Variants in ACER3 observed in about 807,000 individuals in gnomAD.
ACER3 encodes alkaline ceramidase 3.
Under a neutral mutation model 48.9 loss-of-function variants are expected in ACER3, and 16 were observed. The observed-to-expected ratio is 0.33, with a 90% CI of 0.22 to 0.50. The LOEUF is 0.50. Ranked by LOEUF, ACER3 falls within the 20% of genes least tolerant of loss-of-function variation. The pLI, the probability that ACER3 is intolerant of heterozygous loss-of-function variation, is 0.98. For synonymous variants in ACER3, 109 were observed against 107.8 expected (o/e 1.01, Z -0.07); for missense variants, 227 against 326.0 (o/e 0.70, Z 2.34).
rs60656670 is a variant in ACER3 at position 76,883,438 on chromosome 11, C to CTTTTTTTT, written c.103+22372_103+22379dup. Among the ~76,000 whole-genome samples, 54 of 98,956 alleles carry CTTTTTTTT rather than the reference C, an allele frequency of 5.5e-4. 1 individual carries two copies. Among genetic ancestry groups the CTTTTTTTT allele is most frequent in the Non-Finnish European group, 7.3e-4 (38 of 52,058 alleles). 64.9% of individuals were successfully genotyped at this position (98,956 alleles called of 152,430 possible). On this transcript the variant is annotated intron_variant, in intron 1 of 10. Coordinates refer to ENST00000532485, the MANE Select transcript of ACER3 (RefSeq NM_018367.7). Reference sequence around the variant, plus strand: ...TTGCTTCTTTTGAATGATTTTCTTGCTTTTTTTTTTTTTTTTTTTTGAGAC... The same window carrying CTTTTTTTT: ...TTGCTTCTTTTGAATGATTTTCTTGCTTTTTTTTTTTTTTTTTTTTTTTTTTTTGAGAC...
At chr11:76,928,362 C>T (rs1946894454) in intron 2 of ACER3, among the ~76,000 whole-genome samples, 1 of 152,094 alleles carries the variant, frequency 6.6e-6, no homozygotes, top group African/African-American at 2.4e-5. Context: ...TGGATACTAG[C>T]CCTTTGTCAG....
At chr11:76,874,417 A>T (rs1225118324) in intron 1 of ACER3, among the ~76,000 whole-genome samples, 2 of 150,528 alleles carry the variant, frequency 1.3e-5, no homozygotes, top group African/African-American at 4.9e-5. Flanking sequence ...AAAAAAAAAC[A>T]AAACTAACCC....
chr11:76,899,102 T>C (rs1276718264), intron 1 of ACER3, among the ~76,000 whole-genome samples: 1 of 152,080 alleles, frequency 6.6e-6, no homozygotes, highest in Non-Finnish European at 1.5e-5. Flanking sequence ...GCACTATTTG[T>C]TAATTAAAGA....
rs57231514 is a variant in ACER3, at chr11:76,864,744, C to T, written c.103+3665C>T. ...CCTCCCAAGTAGCTGGGATTACAGGCGCATGCCACCACGCCTGGCTAATTT... is the reference window on the plus strand; with the variant it reads ...CCTCCCAAGTAGCTGGGATTACAGGTGCATGCCACCACGCCTGGCTAATTT... On this transcript the variant is annotated intron_variant, in intron 1 of 10. Transcript: ENST00000532485. Among the ~76,000 whole-genome samples the T allele has an allele frequency of 5.2e-4, 78 of 151,334 alleles. No homozygotes were observed. The East Asian group carries it at 0.012, about 24-fold the overall frequency.
At chr11:77,020,220 T>C in intron 10 of ACER3, 54 bp from the exon 11 acceptor site, 1 of 1,573,554 alleles carries the variant, frequency 6.4e-7, no homozygotes, top group Non-Finnish European at 8.7e-7. Context: ...TTTTCAGGGA[T>C]AACATGGAAC....
chr11:76,966,721 G>C (rs1456950049), intron 3 of ACER3, among the ~76,000 whole-genome samples: 1 of 149,858 alleles, frequency 6.7e-6, no homozygotes, highest in Non-Finnish European at 1.5e-5. Context: ...GGTACATAAC[G>C]AAATGAAGGC....
chr11:76,867,505 A>AAGTAGCTG (rs1945126525), intron 1 of ACER3, among the ~76,000 whole-genome samples: 1 of 146,654 alleles, frequency 6.8e-6, no homozygotes, highest in African/African-American at 2.5e-5. Flanking sequence ...AAAGAAAGAA[A>AAGTAGCTG]AGTAGCTGAG....
At chr11:76,936,770 T>A (rs1020425060) in intron 2 of ACER3, among the ~76,000 whole-genome samples, 2 of 151,610 alleles carry the variant, frequency 1.3e-5, no homozygotes, top group Admixed American at 6.6e-5. Context: ...CAGGCTACAG[T>A]GCAGTGGTGC....
chr11:76,962,082 C>A (rs1229497387), intron 3 of ACER3, among the ~76,000 whole-genome samples: 1 of 150,032 alleles, frequency 6.7e-6, no homozygotes, highest in African/African-American at 2.5e-5. Context: ...GGAGTTTCAC[C>A]CTTGTCACTT....
At chr11:76,934,870 A>C (rs1947132837) in intron 2 of ACER3, among the ~76,000 whole-genome samples, 1 of 152,202 alleles carries the variant, frequency 6.6e-6, no homozygotes, top group South Asian at 2.1e-4. Flanking sequence ...ATGTAAAATT[A>C]GGGTAAAAAC....
In ACER3 at chr11:77,025,125, G is replaced by C. The variant is rs1949531250; in HGVS notation, c.*4798G>C. On this transcript the variant is annotated 3_prime_UTR_variant, in exon 11 of 11. Transcript: ENST00000532485. ...TGAAACATCTGGCAATGCCAGATCT[G>C]TAATCATCACTTTTAAATTGAATTT... is the stretch of plus-strand genomic sequence containing the variant. 6.6e-6 allele frequency: 1 copy of C among 152,150 alleles called. No individual in the cohort carries two copies. The highest frequency in any genetic ancestry group is 6.5e-5 in the Admixed American group (1 of 15,270). The allele number at this position is 152,150 out of a possible 1,614,324, so 9.4% of individuals were successfully genotyped here.
intron 3 of ACER3, among the ~76,000 whole-genome samples, chr11:76,969,471 T>C (rs1224506884): frequency 2.6e-5 from 4 of 152,278 alleles, no homozygotes; most frequent in East Asian, 1.9e-4. Flanking sequence ...TTATAAATCA[T>C]GCTGCTATAA....
At chr11:77,002,702 C>G (rs1949057927) in intron 7 of ACER3, among the ~76,000 whole-genome samples, 1 of 152,080 alleles carries the variant, frequency 6.6e-6, no homozygotes, top group Admixed American at 6.6e-5. Context: ...TGGTAGAATT[C>G]TCTAGTGAAA....
intron 2 of ACER3, among the ~76,000 whole-genome samples, chr11:76,947,017 AG>A (rs1370684750): frequency 1.3e-4 from 20 of 152,274 alleles, no homozygotes; most frequent in African/African-American, 4.6e-4. Context: ...TGGCTAGGCA[AG>A]TTGCCTTGAA....
At chr11:76,973,768 G>A (rs1403557743) in intron 3 of ACER3, among the ~76,000 whole-genome samples, 1 of 151,776 alleles carries the variant, frequency 6.6e-6, no homozygotes, top group East Asian at 1.9e-4. Flanking sequence ...TTTTTCTTTG[G>A]TTGCTTATGT....
intron 3 of ACER3, among the ~76,000 whole-genome samples, chr11:76,971,788 G>A (rs1181346272): frequency 6.6e-6 from 1 of 152,136 alleles, no homozygotes; most frequent in Non-Finnish European, 1.5e-5. Flanking sequence ...CTTGTTATAT[G>A]GATGAAACTT....
At chr11:76,874,294 G>GT (rs1490580660) in intron 1 of ACER3, among the ~76,000 whole-genome samples, 1 of 151,764 alleles carries the variant, frequency 6.6e-6, no homozygotes, top group African/African-American at 2.4e-5. Context: ...AAAAAGAATG[G>GT]TTATGAGATT....
At chr11:76,901,683 G>A (rs1946086745) in intron 1 of ACER3, among the ~76,000 whole-genome samples, 2 of 152,158 alleles carry the variant, frequency 1.3e-5, no homozygotes, top group African/African-American at 4.8e-5. Flanking sequence ...CAAGAGGGTC[G>A]TGATCGATTG....
At chr11:76,972,758 G>A (rs186169615) in intron 3 of ACER3, among the ~76,000 whole-genome samples, 13 of 152,130 alleles carry the variant, frequency 8.5e-5, no homozygotes, top group Non-Finnish European at 1.9e-4. Context: ...GCTTCCTGAA[G>A]CAGGGGCACG....
Sources: allele counts gnomAD v4.1 joint callset (sites outside exome capture counted in the v4.1 genomes callset), GRCh38; gene constraint gnomAD v4.1.1; transcripts MANE v1.5; gene names NCBI Gene and HGNC (gene_info 2026-07-23, HGNC 2026-07-21).